Variants in DTNB observed in about 807,000 individuals in gnomAD.
DTNB encodes dystrobrevin beta, also known as DTN-B.
In DTNB, 63 loss-of-function variants were observed where a neutral mutation model predicts 90.7. The observed-to-expected ratio is 0.69, with a 90% CI of 0.57 to 0.86. DTNB has a LOEUF of 0.86. Among genes scored for constraint, DTNB ranks in the 40% least tolerant of loss-of-function variants. The pLI is 0.00. For synonymous variants in DTNB, 277 were observed against 286.7 expected (o/e 0.97, Z 0.34); for missense variants, 744 against 807.1 (o/e 0.92, Z 0.95).
At chr2:25,526,396 T>TATATATATATATATATATATA (rs1491443224) in intron 9 of DTNB, among the ~76,000 whole-genome samples, 8 of 34,954 alleles carry the variant, frequency 2.3e-4, no homozygotes, top group Non-Finnish European at 3.3e-4. Context: ...TATATATATA[T>TATATATATATATATATATATA]TTTTTTTTTT....
chr2:25,493,130 G>C (rs1456188960), intron 9 of DTNB, among the ~76,000 whole-genome samples: 1 of 152,180 alleles, frequency 6.6e-6, no homozygotes, highest in Non-Finnish European at 1.5e-5. Context: ...ATGCATTTGG[G>C]AATCTTGAGC....
chr2:25,510,563 A>G (rs1046335379), intron 9 of DTNB, among the ~76,000 whole-genome samples: 1 of 151,558 alleles, frequency 6.6e-6, no homozygotes. Flanking sequence ...AATGGAGTAC[A>G]GTGATGCGAT....
intron 2 of DTNB, 81 bp from the exon 3 acceptor site, chr2:25,639,175 A>G: frequency 1.5e-6 from 2 of 1,368,738 alleles, no homozygotes; most frequent in Non-Finnish European, 2.0e-6. Context: ...ATTCTATTGT[A>G]TTGTCATAGT....
chr2:25,425,932 C>A (rs2051419767), intron 15 of DTNB, among the ~76,000 whole-genome samples: 1 of 152,178 alleles, frequency 6.6e-6, no homozygotes, highest in East Asian at 1.9e-4. Flanking sequence ...AATAGATAGA[C>A]TTCATATGCC....
intron 9 of DTNB, among the ~76,000 whole-genome samples, chr2:25,488,895 T>C (rs1388504774): frequency 6.6e-6 from 1 of 152,194 alleles, no homozygotes; most frequent in African/African-American, 2.4e-5. Flanking sequence ...AGGTGATCCA[T>C]CTGCCACAGC....
intron 8 of DTNB, among the ~76,000 whole-genome samples, chr2:25,543,713 T>C (rs2081846213): frequency 6.6e-6 from 1 of 152,330 alleles, no homozygotes; most frequent in African/African-American, 2.4e-5. Flanking sequence ...TATTATGTCA[T>C]TACTTGTTTC....
At chr2:25,478,096 A>C (rs780061368) in intron 10 of DTNB, among the ~76,000 whole-genome samples, 1 of 151,372 alleles carries the variant, frequency 6.6e-6, no homozygotes, top group Non-Finnish European at 1.5e-5. Context: ...GTGACTTAAT[A>C]TGCCATGCTA....
intron 10 of DTNB, among the ~76,000 whole-genome samples, chr2:25,460,471 G>A (rs908776772): frequency 1.2e-4 from 18 of 152,076 alleles, no homozygotes; most frequent in African/African-American, 4.3e-4. Flanking sequence ...AGTGAGTGAA[G>A]ACAGAAAAGA....
At chr2:25,441,137 G>A (rs974478261) in intron 12 of DTNB, among the ~76,000 whole-genome samples, 1 of 152,114 alleles carries the variant, frequency 6.6e-6, no homozygotes, top group African/African-American at 2.4e-5. Context: ...GTAACAACCC[G>A]ATTCTTTGAA....
intron 9 of DTNB, among the ~76,000 whole-genome samples, chr2:25,528,464 G>A (rs1250562728): frequency 2.0e-5 from 3 of 151,894 alleles, no homozygotes; most frequent in Non-Finnish European, 4.4e-5. Flanking sequence ...AAAAGTATAA[G>A]GTACAGAAGG....
At chr2:25,633,910 G>A (rs1389434239) in intron 3 of DTNB, among the ~76,000 whole-genome samples, 1 of 151,748 alleles carries the variant, frequency 6.6e-6, no homozygotes, top group African/African-American at 2.4e-5. Flanking sequence ...CGCACCGTCT[G>A]AGAAGTGAGG....
At chr2:25,607,130 T>C in intron 5 of DTNB, 106 bp downstream of exon 5, 1 of 1,228,154 alleles carries the variant, frequency 8.1e-7, no homozygotes, top group Non-Finnish European at 1.1e-6. Flanking sequence ...AGTGACATGG[T>C]AATTTTTTTA....
intron 8 of DTNB, among the ~76,000 whole-genome samples, chr2:25,545,833 G>T (rs1014897391): frequency 6.6e-6 from 1 of 152,144 alleles, no homozygotes; most frequent in African/African-American, 2.4e-5. Flanking sequence ...TGCTGGCCAG[G>T]CTGGTCTCAA....
At chr2:25,485,292 G>A (rs1165114491) in intron 9 of DTNB, among the ~76,000 whole-genome samples, 1 of 152,104 alleles carries the variant, frequency 6.6e-6, no homozygotes, top group Admixed American at 6.6e-5. Flanking sequence ...ACAGGTGTGA[G>A]CCACCATTCC....
chr2:25,522,292 G>A (rs1378063808), intron 9 of DTNB, among the ~76,000 whole-genome samples: 1 of 152,198 alleles, frequency 6.6e-6, no homozygotes, highest in East Asian at 1.9e-4. Context: ...AAATATGCCT[G>A]ACATCTAGTG....
chr2:25,541,326 A>T (rs2081207035), intron 8 of DTNB, among the ~76,000 whole-genome samples: 1 of 151,942 alleles, frequency 6.6e-6, no homozygotes, highest in Non-Finnish European at 1.5e-5. Context: ...TAAAAATACA[A>T]AAAATTAGCT....
intron 2 of DTNB, among the ~76,000 whole-genome samples, chr2:25,647,856 G>A (rs2079861407): frequency 6.6e-6 from 1 of 151,336 alleles, no homozygotes; most frequent in South Asian, 2.1e-4. Context: ...TCACAGGAAA[G>A]TTTATTCTTA....
At position 25,415,500 on chromosome 2, in the gene DTNB, T is replaced by C. The variant is rs1364992885; in HGVS notation, c.1575+4015A>G. ...AAAACCCGTGGAATCTCCAGAGTGA[T>C]ATGCGTGTCTTTTGCATGCTAATGA... On this transcript the variant is annotated intron_variant, in intron 16 of 20. Transcript: ENST00000406818. 2.0e-5 allele frequency among the ~76,000 whole-genome samples: 3 copies of C among 152,118 alleles called. 1 individual carries two copies. Among genetic ancestry groups the C allele is most frequent in the Non-Finnish European group, 1.5e-5 (1 of 68,018 alleles).
chr2:25,421,548 G>A (rs1395503341), intron 15 of DTNB, among the ~76,000 whole-genome samples: 2 of 152,238 alleles, frequency 1.3e-5, no homozygotes, highest in Non-Finnish European at 2.9e-5. Context: ...TTGAGGCAAG[G>A]CAAACAGTCA....
Sources: gnomAD v4.1 joint callset for allele counts (sites outside exome capture counted in the v4.1 genomes callset) on GRCh38, gnomAD v4.1.1 for gene constraint, MANE v1.5 for transcripts, NCBI Gene and HGNC (gene_info 2026-07-23, HGNC 2026-07-21) for gene names.